The following DST variants were observed in gnomAD, a reference collection of about 807,000 sequenced individuals.
DST encodes the protein bullous pemphigoid antigen.
DST carries 253 observed loss-of-function variants against 875.2 expected under a neutral mutation model. The observed-to-expected ratio is 0.29, with a 90% CI of 0.26 to 0.32. The LOEUF is 0.32. DST is among the 10% of genes least tolerant of loss of function. The probability of loss-of-function intolerance (pLI) is 1.00; values close to 1 mark genes in which losing one functional copy is unlikely to be tolerated. For synonymous variants in DST, 3,124 were observed against 3,197.1 expected (o/e 0.98, Z 0.77); for missense variants, 8,287 against 9,111.6 (o/e 0.91, Z 3.68).
Position 56,606,001 on chromosome 6 carries a change from T to A in DST, c.8627A>T (p.Asn2876Ile). Reference sequence around the variant, plus strand: ...ACTAGGTGATGCTAGCTGTACAACATTTACCCTTTGCTGTTTTTCTAAAGA... The same window carrying A: ...ACTAGGTGATGCTAGCTGTACAACAATTACCCTTTGCTGTTTTTCTAAAGA... ...CSSLEKQQRV[N>I]VVQLASPSEN... is the part of the protein sequence containing the mutation. The change falls in exon 40 of 104, where the codon AAT (asparagine) becomes ATT (isoleucine). Residue 2876 changes from asparagine (N) to isoleucine (I), a missense_variant. By Grantham distance (149) the Asn-to-Ile change is moderately radical. Coordinates refer to ENST00000680361, the MANE Select transcript of DST (RefSeq NM_001374736.1). The A allele has an allele frequency of 6.2e-7, 1 of 1,612,750 alleles. No individual in the cohort carries two copies. The highest frequency in any genetic ancestry group is 8.5e-7 in the Non-Finnish European group (1 of 1,179,156).
At position 56,934,560 on chromosome 6, in the gene DST, T is replaced by TTTTATATATATA. The variant is rs869186436; in HGVS notation, c.216+19224_216+19225insTATATATATAAA. On this transcript the variant is annotated intron_variant, in intron 2 of 103. Coordinates refer to ENST00000680361, the MANE Select transcript of DST (RefSeq NM_001374736.1). Reference sequence around the variant, plus strand: ...TAAAATATACATATTATATATTATATTATATATATATATATATATATATAT... The same window carrying TTTTATATATATA: ...TAAAATATACATATTATATATTATATTTTATATATATATATATATATATATATATATATATAT... Among the ~76,000 whole-genome samples the TTTTATATATATA allele has an allele frequency of 1.4e-3, 153 of 106,476 alleles. 3 individuals are homozygous for TTTTATATATATA. Among genetic ancestry groups the TTTTATATATATA allele is most frequent in the African/African-American group, 2.5e-3 (71 of 28,388 alleles). The allele number at this position is 106,476 out of a possible 152,430, so 69.9% of individuals were successfully genotyped here. A position where few individuals can be genotyped will look rare whatever the true frequency, so the allele number is the denominator to read the frequency against.
chr6:56,594,940 T>C (rs1185489730), intron 47 of DST, among the ~76,000 whole-genome samples: 2 of 152,198 alleles, frequency 1.3e-5, no homozygotes, highest in East Asian at 1.9e-4. Context: ...CCCAGGCAGG[T>C]GTGCTGCAGG....
chr6:56,943,927 G>A (rs989348872), intron 2 of DST, among the ~76,000 whole-genome samples: 1 of 151,916 alleles, frequency 6.6e-6, no homozygotes, highest in Non-Finnish European at 1.5e-5. Flanking sequence ...GACCAACCTG[G>A]CCAACATGGT....
intron 34 of DST, among the ~76,000 whole-genome samples, chr6:56,626,093 T>C (rs749645580): frequency 2.0e-5 from 3 of 151,928 alleles, no homozygotes; most frequent in Non-Finnish European, 2.9e-5. Context: ...CTAAGTGCTA[T>C]GAGAAAAGAG....
Position 56,616,584 on chromosome 6 carries a change from G to A in DST, c.4930-2100C>T, listed in dbSNP as rs765477193. Reference sequence around the variant, plus strand: ...TAATACAGAGCTTGCTTGTTATTGGGATTAGGGAAAACTCTTGTGTTGCTG... The same window carrying A: ...TAATACAGAGCTTGCTTGTTATTGGAATTAGGGAAAACTCTTGTGTTGCTG... On this transcript the variant is annotated intron_variant, in intron 36 of 103. Coordinates refer to ENST00000680361, the MANE Select transcript of DST (RefSeq NM_001374736.1). 31 of 1,614,004 alleles carry A rather than the reference G, an allele frequency of 1.9e-5. No individual in the cohort carries two copies. The South Asian group carries it at 3.0e-4, about 15-fold the overall frequency.
At chr6:56,567,678 T>G (rs2097703901) in intron 55 of DST, among the ~76,000 whole-genome samples, 1 of 152,112 alleles carries the variant, frequency 6.6e-6, no homozygotes, top group African/African-American at 2.4e-5. Context: ...AATAAATGGT[T>G]GGCTGAGAAG....
chr6:56,747,748 C>T (rs935841852), intron 4 of DST, among the ~76,000 whole-genome samples: 1 of 151,948 alleles, frequency 6.6e-6, no homozygotes, highest in Non-Finnish European at 1.5e-5. Context: ...ATATGTAACT[C>T]GATGAAAATA....
At chr6:56,625,530 G>A (rs1008530748) in intron 34 of DST, among the ~76,000 whole-genome samples, 2 of 151,964 alleles carry the variant, frequency 1.3e-5, no homozygotes, top group Non-Finnish European at 2.9e-5. Context: ...AATACCTATC[G>A]CCTAGTGATG....
intron 2 of DST, among the ~76,000 whole-genome samples, chr6:56,947,219 G>A (rs933634178): frequency 6.7e-6 from 1 of 149,228 alleles, no homozygotes; most frequent in Non-Finnish European, 1.5e-5. Context: ...TGCTGGAAAA[G>A]AAATCAAATG....
intron 10 of DST, among the ~76,000 whole-genome samples, chr6:56,652,166 C>T (rs1196065824): frequency 1.3e-5 from 2 of 152,164 alleles, no homozygotes; most frequent in East Asian, 1.9e-4. Context: ...GTGAGATTTA[C>T]GTAACACCCT....
intron 17 of DST, among the ~76,000 whole-genome samples, chr6:56,641,115 C>CAGAGAGAG (rs145412096): frequency 2.3e-3 from 327 of 142,624 alleles, no homozygotes; most frequent in African/African-American, 6.6e-3. Flanking sequence ...TATTTATGCA[C>CAGAGAGAG]AGAGAGAGAG....
At chr6:56,715,679 G>A (rs1158485080) in intron 5 of DST, among the ~76,000 whole-genome samples, 1 of 152,146 alleles carries the variant, frequency 6.6e-6, no homozygotes, top group Admixed American at 6.5e-5. Context: ...TCATCACCAT[G>A]CCCAGACAGA....
At chr6:56,579,538 GA>G (rs1419023311) in intron 49 of DST, among the ~76,000 whole-genome samples, 1 of 152,164 alleles carries the variant, frequency 6.6e-6, no homozygotes, top group East Asian at 1.9e-4. Flanking sequence ...AGGTGAGTCT[GA>G]AAAAATGCTG....
rs559250545 is a variant in DST at position 56,851,866 on chromosome 6, G to C, written c.418-262C>G. The C allele has an allele frequency of 1.2e-4, 186 of 1,551,446 alleles. No homozygotes were observed. In the South Asian group the frequency reaches 2.1e-3, roughly 17 times the overall value. On this transcript the variant is annotated intron_variant, in intron 3 of 103. Transcript: ENST00000680361. ...ATACATGAAGATTTGCACGGAAGAAGTGTGTGGCCTGTGGTCCGGCCACCA... is the reference window on the plus strand; with the variant it reads ...ATACATGAAGATTTGCACGGAAGAACTGTGTGGCCTGTGGTCCGGCCACCA...
At chr6:56,875,711 G>A (rs1185891386) in intron 3 of DST, among the ~76,000 whole-genome samples, 1 of 152,076 alleles carries the variant, frequency 6.6e-6, no homozygotes, top group Non-Finnish European at 1.5e-5. Flanking sequence ...AATGGTAGAG[G>A]GCTGTCTGTG....
intron 5 of DST, among the ~76,000 whole-genome samples, chr6:56,704,783 C>T (rs1404039436): frequency 4.6e-5 from 7 of 152,062 alleles, no homozygotes; most frequent in Admixed American, 2.0e-4. Flanking sequence ...TCAAGGATGC[C>T]GAGGAACATT....
At chr6:56,921,463 G>A (rs1041836408) in intron 2 of DST, among the ~76,000 whole-genome samples, 48 of 152,212 alleles carry the variant, frequency 3.2e-4, no homozygotes, top group East Asian at 3.9e-4. Context: ...AACAAATATC[G>A]TGATTAGTAA....
At chr6:56,627,180 A>T in intron 34 of DST, 24 bp downstream of exon 34, 1 of 1,530,020 alleles carries the variant, frequency 6.5e-7, no homozygotes. Flanking sequence ...ATTAAATTTT[A>T]CTAAAGTTAA....
chr6:56,902,897 C>T (rs1443220170), intron 2 of DST, among the ~76,000 whole-genome samples: 1 of 151,800 alleles, frequency 6.6e-6, no homozygotes, highest in Non-Finnish European at 1.5e-5. Context: ...GGACATTCCC[C>T]ATCCACCCAC....
Sources: allele counts gnomAD v4.1 joint callset (sites outside exome capture counted in the v4.1 genomes callset), GRCh38; gene constraint gnomAD v4.1.1; transcripts MANE v1.5; gene names NCBI Gene and HGNC (gene_info 2026-07-23, HGNC 2026-07-21).